Variants in NBAS observed in about 807,000 individuals in gnomAD.
NBAS encodes the protein NAG/BC035112 fusion.
In NBAS, 219 loss-of-function variants were observed where a neutral mutation model predicts 302.5. The ratio of observed to expected loss-of-function variants is 0.72; its 90% confidence interval spans 0.65 to 0.81. The LOEUF is 0.81. NBAS is among the 30% of genes least tolerant of loss of function. The pLI, the probability that NBAS is intolerant of heterozygous loss-of-function variation, is 0.00. For missense variants in NBAS, 2,932 were observed against 2,841.6 expected (o/e 1.03, Z -0.72); for synonymous variants, 1,118 against 1,021.6 (o/e 1.09, Z -1.80).
At chr2:14,824,950 G>C in the NBAS span, among the ~76,000 whole-genome samples, 3 of 152,146 alleles carry the variant, frequency 2.0e-5, no homozygotes, top group South Asian at 4.1e-4. Flanking sequence ...TCCAAGGCAA[G>C]GGGTACCTGG....
At chr2:15,407,959 A>C (rs551219903) in intron 25 of NBAS, among the ~76,000 whole-genome samples, 12 of 152,214 alleles carry the variant, frequency 7.9e-5, no homozygotes, top group African/African-American at 2.9e-4. Context: ...ACTTGTCTCA[A>C]GGCCCCTTTC....
chr2:15,462,680 T>C (rs13398393), intron 19 of NBAS, among the ~76,000 whole-genome samples: 2 of 152,028 alleles, frequency 1.3e-5, no homozygotes, highest in East Asian at 1.9e-4. Flanking sequence ...ATGGGTTAAG[T>C]TGGCAACTAT....
intron 3 of NBAS, 83 bp downstream of exon 3, chr2:15,556,695 GAATTC>G: frequency 8.0e-7 from 1 of 1,246,736 alleles, no homozygotes; most frequent in Non-Finnish European, 1.2e-6. Context: ...TCATGATCTA[GAATTC>G]AATTATGAAA....
the NBAS span, among the ~76,000 whole-genome samples, chr2:14,840,213 A>G: frequency 6.6e-6 from 1 of 151,938 alleles, no homozygotes; most frequent in Non-Finnish European, 1.5e-5. Flanking sequence ...GCTCAAAGAT[A>G]CACTATTTAC....
chr2:14,979,632 C>T, the NBAS span, among the ~76,000 whole-genome samples: 2 of 152,168 alleles, frequency 1.3e-5, no homozygotes, highest in Non-Finnish European at 2.9e-5. Flanking sequence ...TACTACTAGT[C>T]TACATAAGAC....
chr2:15,165,674 G>T (rs573260871), downstream of NBAS, among the ~76,000 whole-genome samples: 1 of 148,610 alleles, frequency 6.7e-6, no homozygotes, highest in East Asian at 2.0e-4. Flanking sequence ...TGGGAGTGGG[G>T]TGGACAGGGG....
At position 15,234,703 on chromosome 2, in the gene NBAS, T is replaced by G. The variant is rs773881965; in HGVS notation, c.5988A>C (p.Ser1996=). 3.1e-6 allele frequency: 5 copies of G among 1,614,208 alleles called. No individual in the cohort carries two copies. The highest frequency in any genetic ancestry group is 4.2e-6 in the Non-Finnish European group (5 of 1,180,008). ...KYSHLYDLSR[S]EKEKLHDEAV... is the part of the protein sequence containing the mutation. ...CTTCATCATGAAGTTTCTCTTTTTC[T>G]GATCGGGACAGATCATAGAGGTGAC... The change falls in exon 46 of 52, where the codon TCA becomes TCC. Residue 1996 remains serine (S), a synonymous_variant. Coordinates refer to ENST00000281513, the MANE Select transcript of NBAS (RefSeq NM_015909.4).
At chr2:14,876,283 G>A in the NBAS span, among the ~76,000 whole-genome samples, 2 of 152,134 alleles carry the variant, frequency 1.3e-5, no homozygotes, top group South Asian at 4.1e-4. Flanking sequence ...CCAAAATTTA[G>A]GGATTGTGGA....
the NBAS span, among the ~76,000 whole-genome samples, chr2:15,088,815 C>T: frequency 4.0e-4 from 61 of 152,352 alleles, no homozygotes; most frequent in East Asian, 2.1e-3. Flanking sequence ...GAATCTAGAG[C>T]GGCCAGCTCC....
the NBAS span, among the ~76,000 whole-genome samples, chr2:15,021,255 G>C: frequency 6.7e-6 from 1 of 149,538 alleles, no homozygotes; most frequent in East Asian, 1.9e-4. Flanking sequence ...AAAAATTGTT[G>C]ACCATACGGA....
the NBAS span, among the ~76,000 whole-genome samples, chr2:15,011,227 G>T: frequency 6.6e-6 from 1 of 152,092 alleles, no homozygotes; most frequent in Non-Finnish European, 1.5e-5. Context: ...AAGGATTTGT[G>T]TTCTCTGAGC....
At position 15,292,805 on chromosome 2, in the gene NBAS, C is replaced by T. The variant is rs982736501; in HGVS notation, c.4798-39G>A. Reference sequence around the variant, plus strand: ...GGAAAAGAAGACATTTTACCAACATCATACAAACACGAGCAAGTGAGTAAC... The same window carrying T: ...GGAAAAGAAGACATTTTACCAACATTATACAAACACGAGCAAGTGAGTAAC... On this transcript the variant is annotated intron_variant, in intron 40 of 51. Coordinates refer to ENST00000281513, the MANE Select transcript of NBAS (RefSeq NM_015909.4). 1.9e-6 allele frequency: 3 copies of T among 1,583,318 alleles called. No homozygotes were observed. The South Asian group carries it at 3.3e-5, about 18-fold the overall frequency.
At chr2:15,525,096 C>T (rs1185814263) in intron 9 of NBAS, among the ~76,000 whole-genome samples, 1 of 152,174 alleles carries the variant, frequency 6.6e-6, no homozygotes, top group East Asian at 1.9e-4. Context: ...ATTTAAATGA[C>T]CGTCCAGTTT....
the NBAS span, among the ~76,000 whole-genome samples, chr2:14,960,594 T>TG: frequency 6.6e-6 from 1 of 152,180 alleles, no homozygotes; most frequent in Non-Finnish European, 1.5e-5. Context: ...AAAGACACTC[T>TG]GGCAAGAGAG....
chr2:15,084,014 T>C, the NBAS span, among the ~76,000 whole-genome samples: 13 of 152,230 alleles, frequency 8.5e-5, no homozygotes, highest in South Asian at 6.2e-4. Flanking sequence ...TAAATAGTAC[T>C]GTACTTGGGA....
chr2:15,150,077 A>T, the NBAS span, among the ~76,000 whole-genome samples: 1 of 151,934 alleles, frequency 6.6e-6, no homozygotes, highest in Non-Finnish European at 1.5e-5. Context: ...AAAAAAAAAA[A>T]AAAAAAAAAG....
chr2:14,781,580 G>C, the NBAS span, among the ~76,000 whole-genome samples: 1 of 152,074 alleles, frequency 6.6e-6, no homozygotes, highest in Non-Finnish European at 1.5e-5. Context: ...CAGCAGCCAA[G>C]TCAAAGTGGT....
the NBAS span, among the ~76,000 whole-genome samples, chr2:14,976,636 G>A: frequency 6.6e-6 from 1 of 152,206 alleles, no homozygotes; most frequent in African/African-American, 2.4e-5. Flanking sequence ...ACCTGTGAAT[G>A]TGACTTTATT....
At chr2:15,296,718 A>T (rs1670567716) in intron 40 of NBAS, among the ~76,000 whole-genome samples, 1 of 152,152 alleles carries the variant, frequency 6.6e-6, no homozygotes. Flanking sequence ...GCATGCCTGT[A>T]GTCCTACCTA....
Sources: allele counts gnomAD v4.1 joint callset (sites outside exome capture counted in the v4.1 genomes callset), GRCh38; gene constraint gnomAD v4.1.1; transcripts MANE v1.5; gene names NCBI Gene and HGNC (gene_info 2026-07-23, HGNC 2026-07-21).